TOB2: variants seen among roughly 807,000 people sequenced by gnomAD.
The protein encoded by TOB2 is protein Tob2.
Under a neutral mutation model 17.3 loss-of-function variants are expected in TOB2, and 3 were observed. The observed-to-expected ratio is 0.17, with a 90% confidence interval of 0.08 to 0.45. TOB2 has a LOEUF of 0.45. Ranked by LOEUF, TOB2 falls within the 20% of genes least tolerant of loss-of-function variation. The probability of loss-of-function intolerance (pLI) is 0.99; values close to 1 mark genes in which losing one functional copy is unlikely to be tolerated. For missense variants in TOB2, 407 were observed against 445.7 expected, an observed-to-expected ratio of 0.91 and a Z score of 0.78; for synonymous variants, 163 against 185.6, an observed-to-expected ratio of 0.88 and a Z score of 0.99.
At chr22:41,442,697 CAG>C (rs968362697) in intron 1 of TOB2, among the ~76,000 whole-genome samples, 1 of 152,130 alleles carries the variant, frequency 6.6e-6, no homozygotes, top group African/African-American at 2.4e-5. Context: ...GCTTATGGAG[CAG>C]AGGATTAAAG....
At chr22:41,443,908 G>A (rs2037649800) in intron 1 of TOB2, among the ~76,000 whole-genome samples, 1 of 152,166 alleles carries the variant, frequency 6.6e-6, no homozygotes, top group South Asian at 2.1e-4. Flanking sequence ...TTACAGGCGT[G>A]AGCCACCGCA....
At position 41,434,189 on chromosome 22, in the gene TOB2, A is replaced by G; in HGVS notation, c.*2122T>C. The G allele has an allele frequency of 6.3e-6, 1 of 159,160 alleles. No homozygotes were observed. Among genetic ancestry groups the G allele is most frequent in the Non-Finnish European group, 1.4e-5 (1 of 72,742 alleles). The allele number at this position is 159,160 out of a possible 1,614,324, so 9.9% of individuals were successfully genotyped here. On this transcript the variant is annotated 3_prime_UTR_variant, in exon 2 of 2. Coordinates refer to ENST00000327492, the MANE Select transcript of TOB2 (RefSeq NM_016272.4). ...ATTGAAGCAAAAATGCCTAGATTTG[A>G]GACAAGACAGACTGAACTGGGCCCA...
chr22:41,439,052 G>T (rs1205268896), intron 1 of TOB2, among the ~76,000 whole-genome samples: 2 of 152,200 alleles, frequency 1.3e-5, no homozygotes, highest in African/African-American at 4.8e-5. Flanking sequence ...TATTCCCTTG[G>T]CCTGGGCCAG....
At chr22:41,438,867 G>A (rs374969929) in intron 1 of TOB2, among the ~76,000 whole-genome samples, 132 of 152,018 alleles carry the variant, frequency 8.7e-4, no homozygotes, top group African/African-American at 3.0e-3. Context: ...TGCAGCCTCC[G>A]GTAGGGACCC....
chr22:41,440,626 G>T (rs1424040851), intron 1 of TOB2, among the ~76,000 whole-genome samples: 1 of 147,840 alleles, frequency 6.8e-6, no homozygotes, highest in East Asian at 2.0e-4. Context: ...GAATGCAGTG[G>T]CGTGATCTCG....
chr22:41,445,686 G>T (rs573110593), intron 1 of TOB2, among the ~76,000 whole-genome samples: 10 of 152,306 alleles, frequency 6.6e-5, no homozygotes, highest in African/African-American at 2.2e-4. Context: ...GGAGTTTGGG[G>T]GTAGGGCCCC....
intron 1 of TOB2, among the ~76,000 whole-genome samples, chr22:41,439,519 G>GTATA (rs918428474): frequency 6.7e-6 from 1 of 148,432 alleles, no homozygotes; most frequent in Non-Finnish European, 1.5e-5. Context: ...ATGTATGTAT[G>GTATA]TATGTATGTA....
intron 1 of TOB2, among the ~76,000 whole-genome samples, chr22:41,444,831 G>GT (rs949290539): frequency 3.9e-5 from 6 of 152,184 alleles, no homozygotes; most frequent in Non-Finnish European, 7.3e-5. Flanking sequence ...CTTCTAATGA[G>GT]TTTTTTCTGG....
At position 41,446,450 on chromosome 22, in the gene TOB2, G is replaced by C. The variant is rs997974200; in HGVS notation, c.-134C>G. ...TCTCCCTCCAGGGTGGCCTGAGCGC[G>C]GGGCGGAGGTCGCTCTCCTTTCCTT... On this transcript the variant is annotated 5_prime_UTR_variant, in exon 1 of 2. Coordinates refer to ENST00000327492, the MANE Select transcript of TOB2 (RefSeq NM_016272.4). 6.5e-6 allele frequency: 1 copy of C among 152,710 alleles called. No homozygotes were observed. Among genetic ancestry groups the C allele is most frequent in the African/African-American group, 2.4e-5 (1 of 41,474 alleles). 9.5% of individuals were successfully genotyped at this position (152,710 alleles called of 1,614,324 possible).
chr22:41,436,584 T>C lies in TOB2; in HGVS notation c.762A>G (p.Ser254=). 1 of 1,610,688 alleles carries C rather than the reference T, an allele frequency of 6.2e-7. No homozygotes were observed. The highest frequency in any genetic ancestry group is 8.5e-7 in the Non-Finnish European group (1 of 1,178,534). ...TGTACACGAACTCCTTGGCATTGGG[T>C]GAGAGCTGGGACTGAGGGGCCGGGT... is the stretch of plus-strand genomic sequence containing the variant. ...TANPAPQSQL[S]PNAKEFVYNG... The change falls in exon 2 of 2, where the codon TCA becomes TCG. Residue 254 remains serine (S), a synonymous_variant. Coordinates refer to ENST00000327492, the MANE Select transcript of TOB2 (RefSeq NM_016272.4). The surrounding 1 kb of genome is among the most constrained non-coding windows in gnomAD (Gnocchi z 4.8).
intron 1 of TOB2, among the ~76,000 whole-genome samples, chr22:41,442,766 T>C (rs569998306): frequency 1.3e-5 from 2 of 152,328 alleles, no homozygotes; most frequent in Admixed American, 1.3e-4. Flanking sequence ...GAGGAGTTTG[T>C]TCATTTTTTA....
intron 1 of TOB2, among the ~76,000 whole-genome samples, chr22:41,437,674 G>A (rs1446919902): frequency 2.0e-5 from 3 of 152,080 alleles, no homozygotes; most frequent in East Asian, 1.9e-4. Flanking sequence ...ACTATTGGCC[G>A]GGCGCGGTGG....
intron 1 of TOB2, among the ~76,000 whole-genome samples, chr22:41,445,966 A>C (rs1378668914): frequency 6.6e-6 from 1 of 152,142 alleles, no homozygotes; most frequent in Non-Finnish European, 1.5e-5. Flanking sequence ...ACGGGAAAAG[A>C]AGCAGAAAAA....
chr22:41,438,179 G>C (rs1263064194), intron 1 of TOB2, among the ~76,000 whole-genome samples: 1 of 152,142 alleles, frequency 6.6e-6, no homozygotes, highest in South Asian at 2.1e-4. Context: ...AAAATATTTG[G>C]TTGTCCTCCT....
In TOB2 at chr22:41,437,141, C is replaced by T. The variant is rs572842094; in HGVS notation, c.205G>A (p.Glu69Lys). 102 of 1,614,114 alleles carry T rather than the reference C, an allele frequency of 6.3e-5. 1 individual carries two copies. In the South Asian group the frequency reaches 1.0e-3, roughly 17 times the overall value. The change falls in exon 2 of 2, where the codon GAG (glutamate) becomes AAG (lysine). Residue 69 changes from glutamate to lysine, a missense_variant. Transcript: ENST00000327492. ...AGGCCACTCCGCTTGGCGGCCAGCT[C>T]CACCACGGGGTCCACCATCTCCCCA... is the stretch of plus-strand genomic sequence containing the variant. ...HIGEMVDPVV[E>K]LAAKRSGLAV...
intron 1 of TOB2, among the ~76,000 whole-genome samples, chr22:41,442,649 T>G (rs1041573723): frequency 1.3e-5 from 2 of 152,350 alleles, no homozygotes; most frequent in Admixed American, 1.3e-4. Context: ...TGAGATTTTC[T>G]GCTCTATCAG....
chr22:41,437,678 G>A (rs1441251363), intron 1 of TOB2, among the ~76,000 whole-genome samples: 2 of 152,114 alleles, frequency 1.3e-5, no homozygotes, highest in Non-Finnish European at 2.9e-5. Flanking sequence ...TTGGCCGGGC[G>A]CGGTGGCTGA....
chr22:41,440,792 C>T lies in TOB2; in HGVS notation c.-62-3385G>A, dbSNP rs574848761. Among the ~76,000 whole-genome samples the T allele has an allele frequency of 1.1e-3, 173 of 152,174 alleles. 2 individuals are homozygous for T. The highest frequency in any genetic ancestry group is 6.5e-3 in the Admixed American group (99 of 15,274). ...ACGTTGGCCAGGCTGCTCTTGAACT[C>T]CTGGCCTCAAGTGATCCACCTGCTT... On this transcript the variant is annotated intron_variant, in intron 1 of 1. Coordinates refer to ENST00000327492, the MANE Select transcript of TOB2 (RefSeq NM_016272.4).
intron 1 of TOB2, among the ~76,000 whole-genome samples, chr22:41,442,494 T>A (rs2146037744): frequency 6.6e-6 from 1 of 152,322 alleles, no homozygotes; most frequent in African/African-American, 2.4e-5. Context: ...CATAAGCAAC[T>A]AAAGCTGCAC....
Sources: gnomAD v4.1 joint callset for allele counts (sites outside exome capture counted in the v4.1 genomes callset) on GRCh38, gnomAD v4.1.1 for gene constraint, Gnocchi (gnomAD v3.1) non-coding constraint, MANE v1.5 for transcripts, NCBI Gene and HGNC (gene_info 2026-07-23, HGNC 2026-07-21) for gene names.